RORB: variants seen among roughly 807,000 people sequenced by gnomAD.
RORB encodes the protein RAR related orphan receptor B.
A neutral mutation model predicts 59.1 loss-of-function variants in RORB; 6 were observed. That is an observed-to-expected ratio of 0.10 (90% CI 0.06 to 0.20). The LOEUF is 0.20. Ranked by LOEUF, RORB falls within the 10% of genes least tolerant of loss-of-function variation. The probability of loss-of-function intolerance (pLI) is 1.00; values close to 1 mark genes in which losing one functional copy is unlikely to be tolerated. For missense variants in RORB, 320 were observed against 560.5 expected, an observed-to-expected ratio of 0.57 and a Z score of 4.33; for synonymous variants, 215 against 204.5, an observed-to-expected ratio of 1.05 and a Z score of -0.44.
chr9:74,667,907 G>T lies in RORB; in HGVS notation c.1111+6G>T. 1 of 1,553,332 alleles carries T rather than the reference G, an allele frequency of 6.4e-7. No individual in the cohort carries two copies. Among genetic ancestry groups the T allele is most frequent in the Non-Finnish European group, 8.9e-7 (1 of 1,124,520 alleles). Reference sequence around the variant, plus strand: ...TGCTGTTCTGATATCTCCAGGTAGGGCAGTCTCAGTTCTCTTACCTTTTTA... The same window carrying T: ...TGCTGTTCTGATATCTCCAGGTAGGTCAGTCTCAGTTCTCTTACCTTTTTA... On this transcript the variant is annotated splice_donor_region_variant and intron_variant, in intron 8 of 9. Coordinates refer to ENST00000376896, the MANE Select transcript of RORB (RefSeq NM_006914.4).
At chr9:74,528,583 TCTAA>T (rs1329504254) in intron 1 of RORB, among the ~76,000 whole-genome samples, 3 of 151,994 alleles carry the variant, frequency 2.0e-5, no homozygotes, top group Admixed American at 6.6e-5. Flanking sequence ...GTTTTTACAC[TCTAA>T]CTGTGAGCCT....
intron 1 of RORB, among the ~76,000 whole-genome samples, chr9:74,585,024 G>A (rs1396605957): frequency 6.6e-6 from 1 of 152,190 alleles, no homozygotes; most frequent in Non-Finnish European, 1.5e-5. Flanking sequence ...TCCAATCTCA[G>A]CCCTAATGCA....
chr9:74,623,442 T>TC lies in RORB; in HGVS notation c.8-6840_8-6839insC, dbSNP rs1173600317. ...ATTAGTGGCCAGAGTTTTCTCTCTC[T>TC]TTTTTTTTTTTTATTTTCTTCTAAT... On this transcript the variant is annotated intron_variant, in intron 1 of 9. Coordinates refer to ENST00000376896, the MANE Select transcript of RORB (RefSeq NM_006914.4). Among the ~76,000 whole-genome samples the TC allele has an allele frequency of 3.8e-3, 6 of 1,590 alleles. No individual in the cohort carries two copies. In the Non-Finnish European group the frequency reaches 0.079, roughly 21 times the overall value. 1.0% of individuals were successfully genotyped at this position (1,590 alleles called of 152,430 possible).
chr9:74,593,016 C>T (rs573345481), intron 1 of RORB, among the ~76,000 whole-genome samples: 2 of 152,262 alleles, frequency 1.3e-5, no homozygotes, highest in Admixed American at 1.3e-4. Flanking sequence ...CAGCAGCTTT[C>T]TACTCAAGGT....
chr9:74,540,457 C>G (rs1826388434), intron 1 of RORB, among the ~76,000 whole-genome samples: 1 of 152,148 alleles, frequency 6.6e-6, no homozygotes, highest in Non-Finnish European at 1.5e-5. Flanking sequence ...TCAGAAAACA[C>G]ATCAAAGAAT....
At chr9:74,583,238 G>A (rs1030152039) in intron 1 of RORB, among the ~76,000 whole-genome samples, 1 of 152,014 alleles carries the variant, frequency 6.6e-6, no homozygotes, top group African/African-American at 2.4e-5. Flanking sequence ...TGGTTATAAA[G>A]CAGCAGCTAG....
chr9:74,556,232 A>T (rs113358249), intron 1 of RORB, among the ~76,000 whole-genome samples: 2 of 152,216 alleles, frequency 1.3e-5, no homozygotes, highest in African/African-American at 4.8e-5. Context: ...GCATTATATG[A>T]ATCCAGTTCA....
At chr9:74,675,907 A>G (rs1320513071) in intron 9 of RORB, among the ~76,000 whole-genome samples, 1 of 152,192 alleles carries the variant, frequency 6.6e-6, no homozygotes, top group Non-Finnish European at 1.5e-5. Flanking sequence ...AGAGGGTGAG[A>G]GATAGGGCAG....
chr9:74,500,124 C>T lies in RORB; in HGVS notation c.7+2141C>T, dbSNP rs569212665. 5.9e-5 allele frequency among the ~76,000 whole-genome samples: 9 copies of T among 152,252 alleles called. No individual in the cohort carries two copies. The South Asian group carries it at 1.9e-3, about 32-fold the overall frequency. On this transcript the variant is annotated intron_variant, in intron 1 of 9. Transcript: ENST00000376896. ...AAGCCCACAGACCTATCAAAGAGGG[C>T]GCCAGCCTCGCCAGGCGCCCTAGGA...
intron 1 of RORB, among the ~76,000 whole-genome samples, chr9:74,556,375 G>A (rs764369514): frequency 6.6e-6 from 1 of 152,136 alleles, no homozygotes; most frequent in African/African-American, 2.4e-5. Flanking sequence ...CCTTTCAAAA[G>A]GAACTCTTGC....
At chr9:74,622,077 T>G (rs1005826427) in intron 1 of RORB, among the ~76,000 whole-genome samples, 1 of 152,222 alleles carries the variant, frequency 6.6e-6, no homozygotes, top group African/African-American at 2.4e-5. Context: ...TATTTTGCTC[T>G]TTTTGAATTA....
chr9:74,680,801 C>T (rs968866182), intron 9 of RORB, among the ~76,000 whole-genome samples: 2 of 152,164 alleles, frequency 1.3e-5, no homozygotes, highest in Admixed American at 1.3e-4. Flanking sequence ...TGGCTTCCTG[C>T]TTTAGGCTGG....
chr9:74,622,494 TCA>T (rs1294642845), intron 1 of RORB, among the ~76,000 whole-genome samples: 1 of 147,866 alleles, frequency 6.8e-6, no homozygotes, highest in African/African-American at 2.5e-5. Flanking sequence ...TGTATATGAA[TCA>T]CAGAGATGCT....
At chr9:74,549,885 C>A (rs1027675283) in intron 1 of RORB, among the ~76,000 whole-genome samples, 1 of 151,966 alleles carries the variant, frequency 6.6e-6, no homozygotes, top group Admixed American at 6.6e-5. Context: ...TGTGCCACTA[C>A]GCCCGGCTAA....
At chr9:74,657,541 T>G (rs556065312) in intron 4 of RORB, among the ~76,000 whole-genome samples, 3 of 152,300 alleles carry the variant, frequency 2.0e-5, no homozygotes, top group African/African-American at 2.4e-5. Context: ...CTTTCTCTTC[T>G]CCATGTGACA....
intron 1 of RORB, among the ~76,000 whole-genome samples, chr9:74,511,615 GAA>G (rs143033795): frequency 7.1e-6 from 1 of 140,540 alleles, no homozygotes; most frequent in African/African-American, 2.6e-5. Flanking sequence ...CAAAAGAAAA[GAA>G]AAAAAAAAGT....
chr9:74,573,067 T>A (rs940358928), intron 1 of RORB, among the ~76,000 whole-genome samples: 1 of 152,192 alleles, frequency 6.6e-6, no homozygotes, highest in African/African-American at 2.4e-5. Flanking sequence ...ACTAAGTATA[T>A]AACTTGAGGT....
intron 1 of RORB, among the ~76,000 whole-genome samples, chr9:74,564,226 T>C (rs1822439308): frequency 6.6e-6 from 1 of 152,196 alleles, no homozygotes; most frequent in South Asian, 2.1e-4. Context: ...TGTTCTAACA[T>C]CTGTCCATCT....
intron 1 of RORB, among the ~76,000 whole-genome samples, chr9:74,593,391 GGGAGGT>G (rs1753043901): frequency 6.7e-6 from 1 of 149,502 alleles, no homozygotes; most frequent in South Asian, 2.1e-4. Context: ...TCTTGAACCT[GGGAGGT>G]GGAGGTTGCA....
Sources: gnomAD v4.1 joint callset for allele counts (sites outside exome capture counted in the v4.1 genomes callset) on GRCh38, gnomAD v4.1.1 for gene constraint, MANE v1.5 for transcripts, NCBI Gene and HGNC (gene_info 2026-07-23, HGNC 2026-07-21) for gene names.